Variants in CBLB observed in about 807,000 individuals in gnomAD.
CBLB encodes E3 ubiquitin-protein ligase CBL-B.
In CBLB, 31 loss-of-function variants were observed where a neutral mutation model predicts 104.9. The observed-to-expected ratio is 0.30, with a 90% CI of 0.22 to 0.40. CBLB has a LOEUF of 0.40. Ranked by LOEUF, CBLB falls within the 10% of genes least tolerant of loss-of-function variation. The pLI is 1.00. For synonymous variants in CBLB, 440 were observed against 422.6 expected (o/e 1.04, Z -0.51); for missense variants, 1,062 against 1,214.6 (o/e 0.87, Z 1.87).
intron 9 of CBLB, among the ~76,000 whole-genome samples, chr3:105,721,530 CA>C (rs1337131448): frequency 2.0e-5 from 3 of 152,052 alleles, no homozygotes; most frequent in Admixed American, 1.3e-4. Flanking sequence ...AAATCAATTG[CA>C]ACATATTCTT....
chr3:105,748,824 C>T (rs60619938), intron 5 of CBLB, among the ~76,000 whole-genome samples: 17,673 of 152,114 alleles, frequency 0.12, 1,254 homozygotes, highest in East Asian at 0.41. Context: ...CTCCTGCCCC[C>T]CCACTGGCTC....
At chr3:105,761,493 A>T (rs1301161037) in intron 4 of CBLB, among the ~76,000 whole-genome samples, 1 of 152,170 alleles carries the variant, frequency 6.6e-6, no homozygotes, top group Non-Finnish European at 1.5e-5. Context: ...GTGGTAGTAA[A>T]TAAGCCACAT....
Position 105,813,143 on chromosome 3 carries a change from G to A in CBLB, c.420-36601C>T, listed in dbSNP as rs73854892. Among the ~76,000 whole-genome samples, 979 of 152,092 alleles carry A rather than the reference G, an allele frequency of 6.4e-3. 12 individuals are homozygous for A. Among genetic ancestry groups the A allele is most frequent in the African/African-American group, 0.023 (938 of 41,490 alleles). ...AAACAAAAGAAGGAAACAATGGCAC[G>A]CCATTTCCCTACAAGAAGGAAGAGT... On this transcript the variant is annotated intron_variant, in intron 3 of 18. Transcript: ENST00000394030.
intron 3 of CBLB, among the ~76,000 whole-genome samples, chr3:105,815,328 C>T (rs182300711): frequency 6.6e-6 from 1 of 152,200 alleles, no homozygotes; most frequent in Non-Finnish European, 1.5e-5. Context: ...ACAAAAGCAT[C>T]CGTTCTGTTC....
At chr3:105,845,119 ACGGTATTCC>A (rs1244838213) in intron 3 of CBLB, among the ~76,000 whole-genome samples, 2 of 152,088 alleles carry the variant, frequency 1.3e-5, no homozygotes, top group African/African-American at 4.8e-5. Flanking sequence ...AAAAACATAA[ACGGTATTCC>A]ACTGCAAAGC....
intron 18 of CBLB, among the ~76,000 whole-genome samples, chr3:105,661,484 T>C (rs1353856128): frequency 1.3e-5 from 2 of 152,182 alleles, no homozygotes; most frequent in Non-Finnish European, 2.9e-5. Context: ...TGAGACACTT[T>C]TAGATGAGAA....
chr3:105,705,242 A>G (rs1224775227), intron 10 of CBLB, among the ~76,000 whole-genome samples: 1 of 152,238 alleles, frequency 6.6e-6, no homozygotes, highest in African/African-American at 2.4e-5. Context: ...TGAACTCAGC[A>G]GCTTTATCAT....
chr3:105,744,170 G>A (rs1444570762), intron 6 of CBLB, among the ~76,000 whole-genome samples: 1 of 152,084 alleles, frequency 6.6e-6, no homozygotes, highest in Non-Finnish European at 1.5e-5. Flanking sequence ...CCATGATACT[G>A]AACAAGAAAA....
At chr3:105,761,989 T>C (rs11929289) in intron 4 of CBLB, 37,526 of 152,114 alleles carry the variant, frequency 0.25, 4,824 homozygotes, top group Non-Finnish European at 0.28. Context: ...ACTCTTGCTA[T>C]GTTTTAGCAA....
intron 12 of CBLB, among the ~76,000 whole-genome samples, chr3:105,701,763 C>CA (rs60481562): frequency 0.64 from 88,511 of 138,556 alleles, 28,048 homozygotes; most frequent in Middle Eastern, 0.73. Context: ...GGCTTCGTCT[C>CA]AAAAAAAAAA....
chr3:105,695,079 T>C (rs1271532741), intron 12 of CBLB, among the ~76,000 whole-genome samples: 3 of 151,856 alleles, frequency 2.0e-5, no homozygotes, highest in Non-Finnish European at 3.0e-5. Flanking sequence ...GCTGCAGGAA[T>C]AGACACAATG....
At chr3:105,677,728 C>A (rs2065826656) in intron 17 of CBLB, among the ~76,000 whole-genome samples, 1 of 150,608 alleles carries the variant, frequency 6.6e-6, no homozygotes, top group Admixed American at 6.6e-5. Flanking sequence ...ATTAAGTCTT[C>A]ATTTTTATTT....
At chr3:105,840,183 A>G (rs1288001191) in intron 3 of CBLB, among the ~76,000 whole-genome samples, 1 of 152,226 alleles carries the variant, frequency 6.6e-6, no homozygotes, top group Non-Finnish European at 1.5e-5. Context: ...TTCAGAAAAA[A>G]CTAGGTAATC....
chr3:105,718,391 G>GT (rs1225293786), intron 10 of CBLB, among the ~76,000 whole-genome samples: 1 of 152,116 alleles, frequency 6.6e-6, no homozygotes, highest in African/African-American at 2.4e-5. Flanking sequence ...GTAAAAATTT[G>GT]TATGTAAAAT....
chr3:105,761,173 A>G (rs530891285), intron 4 of CBLB, among the ~76,000 whole-genome samples: 1 of 152,258 alleles, frequency 6.6e-6, no homozygotes, highest in African/African-American at 2.4e-5. Context: ...AGCTGGGATT[A>G]AAGTGTGCGC....
intron 18 of CBLB, among the ~76,000 whole-genome samples, chr3:105,664,681 T>A (rs142210626): frequency 3.3e-4 from 50 of 152,322 alleles, no homozygotes; most frequent in African/African-American, 1.2e-3. Context: ...AGGCCTCAGC[T>A]GCACAAGTAT....
intron 9 of CBLB, among the ~76,000 whole-genome samples, chr3:105,726,451 C>T (rs757024120): frequency 2.0e-5 from 3 of 152,036 alleles, no homozygotes; most frequent in Non-Finnish European, 2.9e-5. Context: ...AGCTGCATAT[C>T]CAACTGACAA....
At chr3:105,682,547 C>T (rs983245327) in intron 14 of CBLB, among the ~76,000 whole-genome samples, 5 of 152,110 alleles carry the variant, frequency 3.3e-5, no homozygotes, top group African/African-American at 1.2e-4. Flanking sequence ...CTGTGTGTTG[C>T]AAAGGCTGGA....
At chr3:105,710,702 T>A (rs897118071) in intron 10 of CBLB, among the ~76,000 whole-genome samples, 1 of 151,974 alleles carries the variant, frequency 6.6e-6, no homozygotes, top group Non-Finnish European at 1.5e-5. Flanking sequence ...TAGTAACAGA[T>A]GAGAACATCT....
Sources: allele counts gnomAD v4.1 joint callset (sites outside exome capture counted in the v4.1 genomes callset), GRCh38; gene constraint gnomAD v4.1.1; transcripts MANE v1.5; gene names NCBI Gene and HGNC (gene_info 2026-07-23, HGNC 2026-07-21).